ERC1: variants seen among roughly 807,000 people sequenced by gnomAD.
ERC1 encodes RAB6 interacting protein 2.
Under a neutral mutation model 132.0 loss-of-function variants are expected in ERC1, and 56 were observed. That is an observed-to-expected ratio of 0.42 (90% CI 0.34 to 0.53). The LOEUF (loss-of-function observed/expected upper bound fraction) is 0.53. Ranked by LOEUF, ERC1 falls within the 20% of genes least tolerant of loss-of-function variation. ERC1 has a pLI of 0.03. For synonymous variants in ERC1, 478 were observed against 476.1 expected (o/e 1.00, Z -0.05); for missense variants, 1,202 against 1,349.9 (o/e 0.89, Z 1.72).
chr12:1,254,854 A>T (rs1261562095), intron 13 of ERC1, among the ~76,000 whole-genome samples: 1 of 152,156 alleles, frequency 6.6e-6, no homozygotes, highest in Non-Finnish European at 1.5e-5. Context: ...ATACATGTAT[A>T]CATTGTGGAA....
At chr12:1,371,212 C>G (rs1735022850) in intron 15 of ERC1, among the ~76,000 whole-genome samples, 1 of 151,520 alleles carries the variant, frequency 6.6e-6, no homozygotes, top group African/African-American at 2.4e-5. Flanking sequence ...TCTCCTCTGC[C>G]TTGCAACCAC....
At chr12:1,301,344 A>G (rs1427191208) in intron 15 of ERC1, among the ~76,000 whole-genome samples, 2 of 152,152 alleles carry the variant, frequency 1.3e-5, no homozygotes, top group Non-Finnish European at 2.9e-5. Flanking sequence ...GCTATTTGAA[A>G]TAAAACAAGA....
At chr12:1,130,059 C>G (rs10773932) in intron 7 of ERC1, among the ~76,000 whole-genome samples, 143,047 of 152,300 alleles carry the variant, frequency 0.94, 67,814 homozygotes, top group East Asian at 1. Context: ...CTAAATAATA[C>G]AGCAGGTGGA....
chr12:1,100,793 T>C (rs2154197423), intron 3 of ERC1, among the ~76,000 whole-genome samples: 1 of 152,076 alleles, frequency 6.6e-6, no homozygotes, highest in South Asian at 2.1e-4. Flanking sequence ...TACATACGAG[T>C]ATGGATTTCA....
intron 1 of ERC1, among the ~76,000 whole-genome samples, chr12:1,024,946 C>T (rs1461442890): frequency 1.3e-5 from 2 of 150,720 alleles, no homozygotes; most frequent in South Asian, 2.1e-4. Flanking sequence ...ATAGCATCTA[C>T]ATTTTATTAA....
intron 17 of ERC1, among the ~76,000 whole-genome samples, chr12:1,437,211 A>G (rs1281631951): frequency 6.6e-6 from 1 of 152,056 alleles, no homozygotes; most frequent in Non-Finnish European, 1.5e-5. Flanking sequence ...TGGTTATCTC[A>G]TCGACTTTCA....
At chr12:1,079,966 G>A (rs1941949827) in intron 2 of ERC1, among the ~76,000 whole-genome samples, 1 of 152,210 alleles carries the variant, frequency 6.6e-6, no homozygotes. Flanking sequence ...TACATACTTT[G>A]TGATCCAGCA....
chr12:1,371,094 A>G (rs28669751), intron 15 of ERC1, among the ~76,000 whole-genome samples: 518 of 152,352 alleles, frequency 3.4e-3, no homozygotes, highest in African/African-American at 0.012. Flanking sequence ...TGTACAATGT[A>G]GTATCATTAA....
chr12:1,443,303 A>G (rs2093212746), intron 17 of ERC1: 1 of 152,172 alleles, frequency 6.6e-6, no homozygotes, highest in South Asian at 2.1e-4. Context: ...TTTTCATAAT[A>G]AAAACATAAA....
intron 2 of ERC1, 84 bp from the exon 3 acceptor site, chr12:1,083,079 CT>C: frequency 8.8e-7 from 1 of 1,133,882 alleles, no homozygotes; most frequent in Non-Finnish European, 1.3e-6. Flanking sequence ...TTTCTTGTAG[CT>C]ATTTTTGATT....
intron 8 of ERC1, among the ~76,000 whole-genome samples, chr12:1,158,579 G>A (rs1278081875): frequency 4.6e-5 from 7 of 150,678 alleles, no homozygotes; most frequent in Admixed American, 6.6e-5. Context: ...ACAGGCATGC[G>A]CCACCATGCC....
At position 1,225,473 on chromosome 12, in the gene ERC1, C is replaced by G. The variant is rs142432380; in HGVS notation, c.2352-11296C>G. Among the ~76,000 whole-genome samples, 51 of 151,620 alleles carry G rather than the reference C, an allele frequency of 3.4e-4. 1 individual carries two copies. The highest frequency in any genetic ancestry group is 1.1e-3 in the African/African-American group (46 of 41,168). On this transcript the variant is annotated intron_variant, in intron 12 of 18. Coordinates refer to ENST00000360905, the MANE Select transcript of ERC1 (RefSeq NM_178040.4). ...TTACACACACACACACACACACACA[C>G]ACACACACACACACACACACGGAGT...
At chr12:1,169,288 A>G (rs537970446) in intron 8 of ERC1, among the ~76,000 whole-genome samples, 3 of 152,074 alleles carry the variant, frequency 2.0e-5, no homozygotes, top group South Asian at 2.1e-4. Context: ...AAAGCCCTCC[A>G]CTTTCCCTAG....
rs74057014 is a variant in ERC1 at position 1,102,056 on chromosome 12, G to T, written c.1087-2694G>T. Among the ~76,000 whole-genome samples the T allele has an allele frequency of 9.2e-3, 1,408 of 152,298 alleles. 20 individuals are homozygous for T. Among genetic ancestry groups the T allele is most frequent in the African/African-American group, 0.031 (1,279 of 41,566 alleles). On this transcript the variant is annotated intron_variant, in intron 3 of 18. Coordinates refer to ENST00000360905, the MANE Select transcript of ERC1 (RefSeq NM_178040.4). ...ATGTCTGCAGGTAGGAAAGGAAAAG[G>T]GTGGAGTTTAGAGCTAGGATAATTC...
chr12:1,205,289 A>G (rs1303188142), intron 12 of ERC1, among the ~76,000 whole-genome samples: 1 of 151,998 alleles, frequency 6.6e-6, no homozygotes, highest in East Asian at 1.9e-4. Flanking sequence ...AGGATTTCTG[A>G]TAGGATTCAG....
chr12:1,308,752 C>T (rs1364618326), intron 15 of ERC1, among the ~76,000 whole-genome samples: 1 of 152,222 alleles, frequency 6.6e-6, no homozygotes, highest in Admixed American at 6.5e-5. Flanking sequence ...AGATTGGCCA[C>T]TGCCAACTTC....
chr12:1,479,809 G>A (rs1382091052), intron 18 of ERC1, among the ~76,000 whole-genome samples: 4 of 152,092 alleles, frequency 2.6e-5, no homozygotes, highest in African/African-American at 7.2e-5. Context: ...GAAGCCAGGT[G>A]GGGTCACTCT....
chr12:1,262,904 A>G, intron 13 of ERC1, 130 bp from the exon 14 acceptor site: 2 of 831,454 alleles, frequency 2.4e-6, no homozygotes, highest in South Asian at 3.7e-5. Context: ...CTCTGTGACG[A>G]TATCTTGTTG....
Position 1,444,676 on chromosome 12 carries a change from C to T in ERC1, c.3139C>T (p.Pro1047Ser). 6.2e-7 allele frequency: 1 copy of T among 1,614,188 alleles called. No homozygotes were observed. The highest frequency in any genetic ancestry group is 8.5e-7 in the Non-Finnish European group (1 of 1,180,026). The change falls in exon 18 of 19, where the codon CCA becomes TCA. Residue 1047 changes from proline (P) to serine (S), a missense_variant. Coordinates refer to ENST00000360905, the MANE Select transcript of ERC1 (RefSeq NM_178040.4). ...CCCCCTGATCCTCCGTGGACTCACT[C>T]CACCAGCTTCCTATAACTTGGACGA... ...RDPLILRGLT[P>S]PASYNLDDDQ... is the part of the protein sequence containing the mutation.
Sources: gnomAD v4.1 joint callset for allele counts (sites outside exome capture counted in the v4.1 genomes callset) on GRCh38, gnomAD v4.1.1 for gene constraint, MANE v1.5 for transcripts, NCBI Gene and HGNC (gene_info 2026-07-23, HGNC 2026-07-21) for gene names.